The following ARHGAP22 variants were observed in gnomAD, a reference collection of about 807,000 sequenced individuals.
ARHGAP22 encodes rho GTPase-activating protein 22.
In ARHGAP22, 48 loss-of-function variants were observed where a neutral mutation model predicts 59.1. That is an observed-to-expected ratio of 0.81 (90% CI 0.64 to 1.03). The LOEUF (loss-of-function observed/expected upper bound fraction) is 1.03. Among genes scored for constraint, ARHGAP22 ranks in the 50% least tolerant of loss-of-function variants. ARHGAP22 has a pLI of 0.00. For synonymous variants in ARHGAP22, 445 were observed against 416.4 expected (o/e 1.07, Z -0.84); for missense variants, 1,015 against 958.7 (o/e 1.06, Z -0.78).
At chr10:48,461,531 G>A (rs1410439167) in intron 4 of ARHGAP22, among the ~76,000 whole-genome samples, 1 of 152,178 alleles carries the variant, frequency 6.6e-6, no homozygotes, top group Non-Finnish European at 1.5e-5. Context: ...CACCAAATGA[G>A]GAATAGAGGG....
At chr10:48,571,484 G>C (rs534369413) in intron 2 of ARHGAP22, among the ~76,000 whole-genome samples, 1 of 152,158 alleles carries the variant, frequency 6.6e-6, no homozygotes, top group African/African-American at 2.4e-5. Context: ...AAGTGACCTG[G>C]TCTGACCATG....
chr10:48,605,544 G>T (rs2060639304), upstream of ARHGAP22, among the ~76,000 whole-genome samples: 1 of 152,118 alleles, frequency 6.6e-6, no homozygotes, highest in African/African-American at 2.4e-5. Flanking sequence ...TTAACTCAGG[G>T]CTCTTCATAG....
At position 48,446,296 on chromosome 10, in the gene ARHGAP22, G is replaced by C; in HGVS notation, c.*95C>G. 1 of 1,363,686 alleles carries C rather than the reference G, an allele frequency of 7.3e-7. No individual in the cohort carries two copies. Among genetic ancestry groups the C allele is most frequent in the South Asian group, 1.4e-5 (1 of 73,596 alleles). 84.5% of individuals were successfully genotyped at this position (1,363,686 alleles called of 1,614,324 possible). ...ATCTCTCTCTCTCCAGCTGGCTCCA[G>C]AGCGCCTGGCTGCTCCAGAGATACA... On this transcript the variant is annotated 3_prime_UTR_variant, in exon 10 of 10. Coordinates refer to ENST00000249601, the MANE Select transcript of ARHGAP22 (RefSeq NM_021226.4).
At chr10:48,629,170 C>T (rs1402361941) in intron 1 of ARHGAP22, among the ~76,000 whole-genome samples, 1 of 152,178 alleles carries the variant, frequency 6.6e-6, no homozygotes, top group African/African-American at 2.4e-5. Flanking sequence ...TAGGGGCAGC[C>T]ACCACCAATG....
intron 3 of ARHGAP22, among the ~76,000 whole-genome samples, chr10:48,493,812 T>C (rs1342856301): frequency 6.6e-6 from 1 of 152,232 alleles, no homozygotes; most frequent in African/African-American, 2.4e-5. Flanking sequence ...TGCTGTGTTC[T>C]TGACTCCCTG....
chr10:48,492,689 G>A (rs1480134207), intron 3 of ARHGAP22, among the ~76,000 whole-genome samples: 1 of 152,036 alleles, frequency 6.6e-6, no homozygotes, highest in Non-Finnish European at 1.5e-5. Context: ...GAGTAGCTGG[G>A]ATTATGGGTA....
At chr10:48,477,429 G>A (rs1198958684) in intron 4 of ARHGAP22, among the ~76,000 whole-genome samples, 1 of 152,148 alleles carries the variant, frequency 6.6e-6, no homozygotes, top group Non-Finnish European at 1.5e-5. Flanking sequence ...GGGCACTTGG[G>A]TTAGTGTCAG....
Position 48,605,071 on chromosome 10 carries a change from A to C in ARHGAP22, c.-275T>G. 1.5e-6 allele frequency: 2 copies of C among 1,329,000 alleles called. No homozygotes were observed. Among genetic ancestry groups the C allele is most frequent in the Non-Finnish European group, 9.7e-7 (1 of 1,034,852 alleles). The allele number at this position is 1,329,000 out of a possible 1,614,324, so 82.3% of individuals were successfully genotyped here. On this transcript the variant is annotated 5_prime_UTR_variant, in exon 1 of 10. Coordinates refer to ENST00000249601, the MANE Select transcript of ARHGAP22 (RefSeq NM_021226.4). Reference sequence around the variant, plus strand: ...CCTCAGTAATCACTGCTGATCAATCACTGGACCAGGGCGGGGCAGTCCCTC... The same window carrying C: ...CCTCAGTAATCACTGCTGATCAATCCCTGGACCAGGGCGGGGCAGTCCCTC...
upstream of ARHGAP22, among the ~76,000 whole-genome samples, chr10:48,606,507 T>C (rs2060680048): frequency 6.6e-6 from 1 of 152,190 alleles, no homozygotes; most frequent in South Asian, 2.1e-4. Flanking sequence ...CATTCCAGGT[T>C]CTTTCATGGT....
chr10:48,623,801 C>G (rs1201525490), intron 1 of ARHGAP22, among the ~76,000 whole-genome samples: 1 of 152,210 alleles, frequency 6.6e-6, no homozygotes, highest in African/African-American at 2.4e-5. Context: ...CCTGAAATAG[C>G]AATTGGCACA....
intron 3 of ARHGAP22, among the ~76,000 whole-genome samples, chr10:48,519,427 C>T (rs962142338): frequency 3.3e-5 from 5 of 152,344 alleles, no homozygotes; most frequent in African/African-American, 1.2e-4. Context: ...TCATCTATTA[C>T]AATGCAGTGA....
At chr10:48,453,488 C>A (rs76626232) in intron 7 of ARHGAP22, 63 bp from the exon 8 acceptor site, 40 of 1,601,876 alleles carry the variant, frequency 2.5e-5, no homozygotes, top group Non-Finnish European at 4.3e-6. Context: ...CTCCTGTGTG[C>A]GGCCTGGACG....
intron 3 of ARHGAP22, among the ~76,000 whole-genome samples, chr10:48,484,916 G>A (rs1404959282): frequency 1.3e-5 from 2 of 152,134 alleles, no homozygotes; most frequent in East Asian, 1.9e-4. Flanking sequence ...TCAGCCTTTT[G>A]CTTCATTGAC....
At chr10:48,499,482 A>G (rs2051288860) in intron 3 of ARHGAP22, among the ~76,000 whole-genome samples, 1 of 152,264 alleles carries the variant, frequency 6.6e-6, no homozygotes, top group African/African-American at 2.4e-5. Context: ...TCACCTGGAT[A>G]TACTCAAAGC....
chr10:48,523,268 C>T (rs1208993228), intron 3 of ARHGAP22, among the ~76,000 whole-genome samples: 1 of 152,226 alleles, frequency 6.6e-6, no homozygotes, highest in Non-Finnish European at 1.5e-5. Context: ...AGGGTGGGGC[C>T]TGGGAATCTG....
chr10:48,431,380 C>T, the ARHGAP22 span: 4 of 724,024 alleles, frequency 5.5e-6, no homozygotes, highest in South Asian at 3.7e-5. Flanking sequence ...ATTATTATTC[C>T]AGGCTTAATA....
chr10:48,542,063 G>A (rs1047503591), intron 3 of ARHGAP22, among the ~76,000 whole-genome samples: 2 of 152,216 alleles, frequency 1.3e-5, no homozygotes, highest in South Asian at 2.1e-4. Flanking sequence ...TGCATGCCCA[G>A]CCCTTGGAGA....
intron 2 of ARHGAP22, chr10:48,556,648 TA>T (rs2057328965): frequency 1.3e-5 from 2 of 152,234 alleles, no homozygotes; most frequent in Non-Finnish European, 2.9e-5. Flanking sequence ...ACAGGAATAA[TA>T]AAGTACTTTG....
chr10:48,572,270 CA>C (rs1174254280), intron 2 of ARHGAP22, among the ~76,000 whole-genome samples: 1 of 152,202 alleles, frequency 6.6e-6, no homozygotes, highest in Admixed American at 6.5e-5. Context: ...TTTTCTCTAG[CA>C]GTTAAACAGG....
Sources: gnomAD v4.1 joint callset for allele counts (sites outside exome capture counted in the v4.1 genomes callset) on GRCh38, gnomAD v4.1.1 for gene constraint, MANE v1.5 for transcripts, NCBI Gene and HGNC (gene_info 2026-07-23, HGNC 2026-07-21) for gene names.